The following TLN2 variants were observed in gnomAD, a reference collection of about 807,000 sequenced individuals.
TLN2 encodes the protein talin-2.
TLN2 carries 118 observed loss-of-function variants against 294.7 expected under a neutral mutation model. The ratio of observed to expected loss-of-function variants is 0.40; its 90% confidence interval spans 0.34 to 0.47. The LOEUF is 0.47. Among genes scored for constraint, TLN2 ranks in the 20% least tolerant of loss-of-function variants. The pLI, the probability that TLN2 is intolerant of heterozygous loss-of-function variation, is 0.84. For synonymous variants in TLN2, 1,431 were observed against 1,304.5 expected, an observed-to-expected ratio of 1.10 and a Z score of -2.09; for missense variants, 3,083 against 3,282.2, an observed-to-expected ratio of 0.94 and a Z score of 1.48.
At chr15:62,522,976 A>ACT (rs2040543751) in intron 1 of TLN2, among the ~76,000 whole-genome samples, 1 of 124,044 alleles carries the variant, frequency 8.1e-6, no homozygotes, top group Non-Finnish European at 1.5e-5. Flanking sequence ...ACACACACAC[A>ACT]CACTCTCTCA....
At chr15:62,606,273 G>C (rs548135541) in intron 2 of TLN2, among the ~76,000 whole-genome samples, 4 of 111,162 alleles carry the variant, frequency 3.6e-5, no homozygotes, top group Non-Finnish European at 5.5e-5. Flanking sequence ...TGTATTTTTA[G>C]TAGAGACAGG....
At chr15:62,504,846 TGAGAGAGAGA>T (rs56056575) in intron 1 of TLN2, among the ~76,000 whole-genome samples, 1 of 144,388 alleles carries the variant, frequency 6.9e-6, no homozygotes, top group African/African-American at 2.6e-5. Flanking sequence ...TGTGTGTGTG[TGAGAGAGAGA>T]GAGAGAGAGA....
chr15:62,571,744 A>G (rs549679900), intron 1 of TLN2, among the ~76,000 whole-genome samples: 1 of 152,326 alleles, frequency 6.6e-6, no homozygotes, highest in East Asian at 1.9e-4. Flanking sequence ...ATTATTTTGA[A>G]ATAAATCCTC....
intron 3 of TLN2, among the ~76,000 whole-genome samples, chr15:62,633,603 C>T (rs1356418969): frequency 2.6e-5 from 4 of 152,218 alleles, no homozygotes; most frequent in Non-Finnish European, 5.9e-5. Context: ...AGCTATGCCT[C>T]TGTTTACATA....
At position 62,498,153 on chromosome 15, in the gene TLN2, C is replaced by CAA. The variant is rs538951284; in HGVS notation, c.-237-91514_-237-91513dup. ...TGGGTGACAGCGTGAGACCCTGCCT[C>CAA]AAAAAAAAAAAAAAAAAAAAAGAAA... is the stretch of plus-strand genomic sequence containing the variant. On this transcript the variant is annotated intron_variant, in intron 1 of 58. Transcript: ENST00000636159. Among the ~76,000 whole-genome samples the CAA allele has an allele frequency of 3.4e-3, 317 of 93,284 alleles. 3 individuals are homozygous for CAA. The highest frequency in any genetic ancestry group is 0.025 in the East Asian group (57 of 2,276). 61.2% of individuals were successfully genotyped at this position (93,284 alleles called of 152,430 possible). A position where few individuals can be genotyped will look rare whatever the true frequency, so the allele number is the denominator to read the frequency against.
At position 62,838,996 on chromosome 15, in the gene TLN2, C is replaced by A; in HGVS notation, c.7500+15C>A. 1.2e-6 allele frequency: 2 copies of A among 1,612,946 alleles called. No homozygotes were observed. The highest frequency in any genetic ancestry group is 1.7e-6 in the Non-Finnish European group (2 of 1,179,540). ...GCATTGCTCAGGTTTGTAATTAAAT[C>A]AAGAATAGTATTTACTTCCCGAGAG... On this transcript the variant is annotated intron_variant, in intron 58 of 58. Coordinates refer to ENST00000636159, the MANE Select transcript of TLN2 (RefSeq NM_015059.3).
intron 41 of TLN2, among the ~76,000 whole-genome samples, chr15:62,767,781 T>C (rs1008595663): frequency 1.3e-5 from 2 of 152,238 alleles, no homozygotes; most frequent in African/African-American, 4.8e-5. Flanking sequence ...AAACTGAGTT[T>C]AGGAGAGAAG....
At chr15:62,482,750 A>C (rs1391212276) in intron 1 of TLN2, among the ~76,000 whole-genome samples, 8 of 152,100 alleles carry the variant, frequency 5.3e-5, no homozygotes. Context: ...ATGGGGTTTC[A>C]GATCTGAGAA....
At chr15:62,612,953 G>A (rs1452411282) in intron 2 of TLN2, among the ~76,000 whole-genome samples, 2 of 152,198 alleles carry the variant, frequency 1.3e-5, no homozygotes, top group African/African-American at 4.8e-5. Context: ...TAGTTCACAG[G>A]ATTATGTATT....
intron 1 of TLN2, among the ~76,000 whole-genome samples, chr15:62,439,318 G>C (rs1037022002): frequency 6.6e-6 from 1 of 152,020 alleles, no homozygotes; most frequent in African/African-American, 2.4e-5. Flanking sequence ...ATCTGAGCCA[G>C]TTGTTTTTTT....
At chr15:62,830,471 A>G (rs568313019) in intron 54 of TLN2, 7 of 152,384 alleles carry the variant, frequency 4.6e-5, no homozygotes, top group African/African-American at 1.7e-4. Flanking sequence ...TTGAAGACCA[A>G]GCCAATTCTG....
intron 36 of TLN2, chr15:62,754,841 C>A (rs886972632): frequency 6.6e-6 from 1 of 152,218 alleles, no homozygotes; most frequent in African/African-American, 2.4e-5. Flanking sequence ...CTTCCTGAGC[C>A]AGACACCTCA....
intron 3 of TLN2, chr15:62,638,621 G>C (rs1450133708): frequency 2.2e-6 from 1 of 455,962 alleles, no homozygotes; most frequent in Admixed American, 2.3e-5. Flanking sequence ...TTCTTCACCT[G>C]AAAATGGAAA....
intron 52 of TLN2, among the ~76,000 whole-genome samples, chr15:62,812,599 CAG>C (rs1308089551): frequency 1.3e-5 from 2 of 152,138 alleles, no homozygotes; most frequent in African/African-American, 2.4e-5. Context: ...AAGTGTCTCT[CAG>C]GGGAAAGGAA....
intron 1 of TLN2, among the ~76,000 whole-genome samples, chr15:62,408,357 A>C (rs1353674322): frequency 6.6e-6 from 1 of 152,250 alleles, no homozygotes; most frequent in Non-Finnish European, 1.5e-5. Flanking sequence ...TTTTTAAAAC[A>C]GGGCTGCCTG....
At chr15:62,739,648 A>G (rs1273149470) in intron 31 of TLN2, 103 bp downstream of exon 31, 6 of 1,390,378 alleles carry the variant, frequency 4.3e-6, no homozygotes, top group East Asian at 4.7e-5. Flanking sequence ...GAACCTGGAA[A>G]CAGGCAGGCC....
At chr15:62,631,069 A>C (rs1340922719) in intron 3 of TLN2, among the ~76,000 whole-genome samples, 2 of 152,192 alleles carry the variant, frequency 1.3e-5, no homozygotes, top group African/African-American at 4.8e-5. Context: ...GGATAGTAAC[A>C]ATCAGGGGAA....
intron 45 of TLN2, among the ~76,000 whole-genome samples, chr15:62,787,486 T>G (rs1222915618): frequency 6.6e-6 from 1 of 152,072 alleles, no homozygotes; most frequent in African/African-American, 2.4e-5. Flanking sequence ...TTACTTTTAT[T>G]TCGACAAAAA....
intron 9 of TLN2, among the ~76,000 whole-genome samples, chr15:62,670,469 G>A (rs4774446): frequency 0.94 from 143,090 of 152,272 alleles, 67,772 homozygotes; most frequent in Non-Finnish European, 1. Context: ...TTTGCCCATG[G>A]AGTTGCTTAA....
Sources: gnomAD v4.1 joint callset for allele counts (sites outside exome capture counted in the v4.1 genomes callset) on GRCh38, gnomAD v4.1.1 for gene constraint, MANE v1.5 for transcripts, NCBI Gene and HGNC (gene_info 2026-07-23, HGNC 2026-07-21) for gene names.